Variants in HMGCLL1 observed in about 807,000 individuals in gnomAD.
HMGCLL1 encodes 3-hydroxy-3-methylglutaryl-CoA lyase like 1.
A neutral mutation model predicts 39.1 loss-of-function variants in HMGCLL1; 36 were observed. The observed-to-expected ratio is 0.92, with a 90% confidence interval of 0.71 to 1.22. The LOEUF is 1.22. Among genes scored for constraint, HMGCLL1 ranks in the 50% most tolerant of loss-of-function variants. The pLI is 0.00. For missense variants in HMGCLL1, 451 were observed against 416.5 expected, an observed-to-expected ratio of 1.08 and a Z score of -0.72; for synonymous variants, 149 against 144.0, an observed-to-expected ratio of 1.03 and a Z score of -0.25.
chr6:55,550,247 A>C (rs1770255021), intron 1 of HMGCLL1, among the ~76,000 whole-genome samples: 2 of 151,924 alleles, frequency 1.3e-5, no homozygotes, highest in African/African-American at 4.8e-5. Context: ...GGATGTTGTG[A>C]GATGTTGCTC....
chr6:55,461,354 A>G (rs1477919049), intron 7 of HMGCLL1, among the ~76,000 whole-genome samples: 1 of 152,030 alleles, frequency 6.6e-6, no homozygotes, highest in Non-Finnish European at 1.5e-5. Context: ...ATGAAACAAG[A>G]AACGCAAATC....
chr6:55,645,597 T>C, the HMGCLL1 span, among the ~76,000 whole-genome samples: 1 of 151,968 alleles, frequency 6.6e-6, no homozygotes, highest in Admixed American at 6.6e-5. Flanking sequence ...TCTGAGAAGT[T>C]TTAACAGGAA....
At chr6:55,626,891 A>T in the HMGCLL1 span, among the ~76,000 whole-genome samples, 9 of 151,936 alleles carry the variant, frequency 5.9e-5, no homozygotes, top group Non-Finnish European at 1.0e-4. Context: ...AATGTAGGTA[A>T]GGAAGAGTAT....
the HMGCLL1 span, among the ~76,000 whole-genome samples, chr6:55,625,131 T>C: frequency 6.6e-6 from 1 of 152,066 alleles, no homozygotes; most frequent in Admixed American, 6.6e-5. Flanking sequence ...GGCCCAGCCG[T>C]CTTCTGCAGA....
At chr6:55,593,090 C>T in the HMGCLL1 span, among the ~76,000 whole-genome samples, 1 of 152,016 alleles carries the variant, frequency 6.6e-6, no homozygotes, top group South Asian at 2.1e-4. Flanking sequence ...AGTAAGTTTC[C>T]TTATTCCCCT....
chr6:55,655,282 A>G, the HMGCLL1 span, among the ~76,000 whole-genome samples: 2 of 151,892 alleles, frequency 1.3e-5, no homozygotes, highest in Non-Finnish European at 2.9e-5. Flanking sequence ...ACATCAATTT[A>G]CTCACCAAAC....
chr6:55,569,383 G>A (rs1581961104), intron 1 of HMGCLL1, among the ~76,000 whole-genome samples: 1 of 152,002 alleles, frequency 6.6e-6, no homozygotes, highest in African/African-American at 2.4e-5. Context: ...AAAGATAATT[G>A]GGCTCCAACT....
chr6:55,580,571 A>C (rs1468038941), upstream of HMGCLL1, among the ~76,000 whole-genome samples: 1 of 151,612 alleles, frequency 6.6e-6, no homozygotes, highest in Non-Finnish European at 1.5e-5. Flanking sequence ...GCCGGCCGCC[A>C]CGCCAGGCTA....
chr6:55,629,113 T>C, the HMGCLL1 span, among the ~76,000 whole-genome samples: 15 of 152,152 alleles, frequency 9.9e-5, no homozygotes, highest in South Asian at 2.1e-4. Context: ...CAGAAGAAGA[T>C]AGGAAAATGT....
chr6:55,475,555 T>C (rs1765247528), intron 7 of HMGCLL1, among the ~76,000 whole-genome samples: 1 of 151,644 alleles, frequency 6.6e-6, no homozygotes, highest in Non-Finnish European at 1.5e-5. Flanking sequence ...TTTTCAAGCT[T>C]GTCCATGCCG....
chr6:55,466,196 T>C (rs567621418), intron 7 of HMGCLL1, among the ~76,000 whole-genome samples: 14 of 152,024 alleles, frequency 9.2e-5, no homozygotes, highest in Middle Eastern at 3.2e-3. Context: ...ACTTAATTAT[T>C]TTGACTAATT....
chr6:55,483,701 T>C (rs950631594), intron 7 of HMGCLL1, among the ~76,000 whole-genome samples: 2 of 152,188 alleles, frequency 1.3e-5, no homozygotes, highest in Non-Finnish European at 2.9e-5. Flanking sequence ...ATGAGTTGGG[T>C]TGAAATCCCG....
chr6:55,436,845 ATG>A (rs1763390485), intron 8 of HMGCLL1, among the ~76,000 whole-genome samples: 1 of 152,020 alleles, frequency 6.6e-6, no homozygotes, highest in Non-Finnish European at 1.5e-5. Flanking sequence ...AATTATTTTC[ATG>A]ATGTCTTTTT....
chr6:55,560,826 G>A (rs917509081), intron 1 of HMGCLL1, among the ~76,000 whole-genome samples: 1 of 152,202 alleles, frequency 6.6e-6, no homozygotes, highest in African/African-American at 2.4e-5. Context: ...AACATCTGCA[G>A]ACTGAAACAC....
At chr6:55,583,186 T>A (rs2127482730), upstream of HMGCLL1, among the ~76,000 whole-genome samples, 1 of 152,096 alleles carries the variant, frequency 6.6e-6, no homozygotes, top group Admixed American at 6.6e-5. Context: ...TGAAGCCATT[T>A]ATTTTTCTTT....
chr6:55,665,105 G>A, the HMGCLL1 span, among the ~76,000 whole-genome samples: 1 of 151,642 alleles, frequency 6.6e-6, no homozygotes. Flanking sequence ...CTAGGGAATA[G>A]GAATCATTTC....
chr6:55,635,561 G>C, the HMGCLL1 span, among the ~76,000 whole-genome samples: 2 of 152,224 alleles, frequency 1.3e-5, no homozygotes, highest in East Asian at 1.9e-4. Context: ...ACTATATACT[G>C]TCTGTCCAAG....
At chr6:55,570,898 G>C (rs535223803) in intron 1 of HMGCLL1, among the ~76,000 whole-genome samples, 1 of 152,296 alleles carries the variant, frequency 6.6e-6, no homozygotes, top group South Asian at 2.1e-4. Context: ...TCACAATCAT[G>C]GTGGAAGGTG....
At chr6:55,666,643 G>A in the HMGCLL1 span, among the ~76,000 whole-genome samples, 1 of 151,626 alleles carries the variant, frequency 6.6e-6, no homozygotes, top group Non-Finnish European at 1.5e-5. Flanking sequence ...ATGGAGCATG[G>A]AGGACTCACA....
Sources: allele counts gnomAD v4.1 joint callset (sites outside exome capture counted in the v4.1 genomes callset), GRCh38; gene constraint gnomAD v4.1.1; transcripts MANE v1.5; gene names NCBI Gene and HGNC (gene_info 2026-07-23, HGNC 2026-07-21).